Variants in PTPRN2 observed in about 807,000 individuals in gnomAD.
The protein encoded by PTPRN2 is protein tyrosine phosphatase receptor type N2.
Under a neutral mutation model 118.8 loss-of-function variants are expected in PTPRN2, and 74 were observed. The observed-to-expected ratio is 0.62, with a 90% CI of 0.52 to 0.76. The LOEUF is 0.76. PTPRN2 is among the 30% of genes least tolerant of loss of function. PTPRN2 has a pLI of 0.00. For missense variants in PTPRN2, 1,481 were observed against 1,394.4 expected (o/e 1.06, Z -0.99); for synonymous variants, 641 against 608.0 (o/e 1.05, Z -0.80).
intron 2 of PTPRN2, among the ~76,000 whole-genome samples, chr7:158,451,006 T>G (rs1226319093): frequency 2.0e-5 from 3 of 152,372 alleles, no homozygotes; most frequent in East Asian, 1.9e-4. Context: ...ACGTCGCAGC[T>G]GCACCTGGAG....
At position 157,662,175 on chromosome 7, in the gene PTPRN2, C is replaced by G. The variant is rs1795922856; in HGVS notation, c.2002-5624G>C. Reference sequence around the variant, plus strand: ...TCTCTGTGTGCCTCAGTTTCCCCATCTGTGAAGTGGTGATAATGGTACCGA... The same window carrying G: ...TCTCTGTGTGCCTCAGTTTCCCCATGTGTGAAGTGGTGATAATGGTACCGA... On this transcript the variant is annotated intron_variant, in intron 13 of 22. Transcript: ENST00000389418. Among the ~76,000 whole-genome samples the G allele has an allele frequency of 2.0e-5, 3 of 152,312 alleles. No homozygotes were observed. In the East Asian group the frequency reaches 5.8e-4, roughly 29 times the overall value.
At chr7:158,251,560 TG>T (rs1481920346) in intron 3 of PTPRN2, among the ~76,000 whole-genome samples, 1 of 137,536 alleles carries the variant, frequency 7.3e-6, no homozygotes, top group Non-Finnish European at 1.5e-5. Context: ...CTATGGTGCC[TG>T]TGGGGTGTGT....
In PTPRN2 at chr7:157,615,309, T is replaced by C; in HGVS notation, c.2344+6053A>G. 2 of 380,940 alleles carry C rather than the reference T, an allele frequency of 5.3e-6. No individual in the cohort carries two copies. The highest frequency in any genetic ancestry group is 1.1e-5 in the Non-Finnish European group (2 of 183,152). 23.6% of individuals were successfully genotyped at this position (380,940 alleles called of 1,614,324 possible). On this transcript the variant is annotated intron_variant, in intron 15 of 22. Coordinates refer to ENST00000389418, the MANE Select transcript of PTPRN2 (RefSeq NM_002847.5). This position sits in a 1 kb window ranked among gnomAD's most constrained non-coding sequence, Gnocchi z 4.3. ...CCCTGCAAGAGCGGTGTGCGTGGGT[T>C]GCGGCTGGGTCTGCGCTGGGGTAGT...
At chr7:157,752,983 G>C (rs916954232) in intron 12 of PTPRN2, among the ~76,000 whole-genome samples, 4 of 152,198 alleles carry the variant, frequency 2.6e-5, no homozygotes, top group Non-Finnish European at 5.9e-5. Flanking sequence ...TGCCATGGCC[G>C]GCAGTGCTGA....
intron 1 of PTPRN2, among the ~76,000 whole-genome samples, chr7:158,550,855 CTT>C (rs1563424921): frequency 6.6e-6 from 1 of 152,154 alleles, no homozygotes; most frequent in Admixed American, 6.6e-5. Flanking sequence ...TGTCGTGAAG[CTT>C]TTTTAACTCC....
At position 157,714,958 on chromosome 7, in the gene PTPRN2, C is replaced by T. The variant is rs140813141; in HGVS notation, c.1789-32021G>A. 1.8e-4 allele frequency among the ~76,000 whole-genome samples: 25 copies of T among 139,754 alleles called. No homozygotes were observed. The East Asian group carries it at 5.0e-3, about 28-fold the overall frequency. 91.7% of individuals were successfully genotyped at this position (139,754 alleles called of 152,430 possible). On this transcript the variant is annotated intron_variant, in intron 12 of 22. Coordinates refer to ENST00000389418, the MANE Select transcript of PTPRN2 (RefSeq NM_002847.5). ...AATGTATTCTGGGTCTCCCGCTTTC[C>T]GAGGCCAGCTCCCCAGGGAACGGCG...
chr7:157,783,096 TCTC>T (rs1182866236), intron 12 of PTPRN2, among the ~76,000 whole-genome samples: 2 of 152,146 alleles, frequency 1.3e-5, no homozygotes, highest in Non-Finnish European at 1.5e-5. Context: ...GCTCGGCACT[TCTC>T]CTTGCTGCCG....
chr7:157,727,499 A>G (rs1799664371), intron 12 of PTPRN2, among the ~76,000 whole-genome samples: 1 of 152,046 alleles, frequency 6.6e-6, no homozygotes, highest in African/African-American at 2.4e-5. Context: ...AAACTCAGAG[A>G]CAGAGGGTAG....
intron 6 of PTPRN2, among the ~76,000 whole-genome samples, chr7:158,139,308 G>A (rs1444616354): frequency 3.9e-5 from 6 of 152,210 alleles, no homozygotes. Flanking sequence ...CATTCTGTAA[G>A]TGAAGAGCAC....
At chr7:158,287,998 T>G (rs1434608504) in intron 3 of PTPRN2, among the ~76,000 whole-genome samples, 1 of 152,182 alleles carries the variant, frequency 6.6e-6, no homozygotes, top group Non-Finnish European at 1.5e-5. Flanking sequence ...TTCTCCAGTT[T>G]TTAGCCCATA....
chr7:158,169,252 G>A (rs983402696), intron 5 of PTPRN2, among the ~76,000 whole-genome samples: 5 of 152,052 alleles, frequency 3.3e-5, no homozygotes, highest in Admixed American at 2.6e-4. Flanking sequence ...GGTTTTTCTG[G>A]GTTTTTTTGA....
chr7:158,115,513 A>G (rs948908221), intron 9 of PTPRN2, among the ~76,000 whole-genome samples: 1 of 152,122 alleles, frequency 6.6e-6, no homozygotes, highest in Non-Finnish European at 1.5e-5. Context: ...CCCAAGGTGA[A>G]GGTGTGAGGA....
chr7:158,407,669 CGTCCTGGGTCCTGG>C lies in PTPRN2; in HGVS notation c.163+82052_163+82065del, dbSNP rs1246913977. On this transcript the variant is annotated intron_variant, in intron 2 of 22. Transcript: ENST00000389418. ...CCTGGGTCCTGCATCCTGCGTCCTGCGTCCTGGGTCCTGGGTCCTGGGTCCTGCGTCCTGCATCC... is the reference window on the plus strand; with the variant it reads ...CCTGGGTCCTGCATCCTGCGTCCTGCGTCCTGGGTCCTGCGTCCTGCATCC... 8.1e-5 allele frequency among the ~76,000 whole-genome samples: 8 copies of C among 98,414 alleles called. 2 individuals are homozygous for C. Among genetic ancestry groups the C allele is most frequent in the East Asian group, 3.5e-4 (1 of 2,882 alleles). 64.6% of individuals were successfully genotyped at this position (98,414 alleles called of 152,430 possible). A position where few individuals can be genotyped will look rare whatever the true frequency, so the allele number is the denominator to read the frequency against.
chr7:158,316,695 C>T (rs1586227928), intron 3 of PTPRN2, 124 bp downstream of exon 3: 3 of 699,222 alleles, frequency 4.3e-6, no homozygotes, highest in Non-Finnish European at 6.9e-6. Flanking sequence ...CTCCCACCTG[C>T]CCCTTCCACC....
chr7:158,478,038 G>A (rs1400738426), intron 2 of PTPRN2, among the ~76,000 whole-genome samples: 1 of 152,244 alleles, frequency 6.6e-6, no homozygotes, highest in Non-Finnish European at 1.5e-5. Context: ...GAGCCTGTGG[G>A]GCAGGAAACC....
chr7:158,574,758 G>A lies in PTPRN2; in HGVS notation c.112+12800C>T, dbSNP rs1421918982. 6.6e-6 allele frequency among the ~76,000 whole-genome samples: 1 copy of A among 152,228 alleles called. No individual in the cohort carries two copies. Among genetic ancestry groups the A allele is most frequent in the Non-Finnish European group, 1.5e-5 (1 of 68,038 alleles). Reference sequence around the variant, plus strand: ...CCTCTGCTACATGTGAGGACTGCATGCCCGGCAGCTTCCTCCACATGCATC... The same window carrying A: ...CCTCTGCTACATGTGAGGACTGCATACCCGGCAGCTTCCTCCACATGCATC... On this transcript the variant is annotated intron_variant, in intron 1 of 22. Coordinates refer to ENST00000389418, the MANE Select transcript of PTPRN2 (RefSeq NM_002847.5). The surrounding 1 kb of genome is among the most constrained non-coding windows in gnomAD (Gnocchi z 4.6).
At chr7:158,238,900 G>C (rs1661093169) in intron 3 of PTPRN2, among the ~76,000 whole-genome samples, 1 of 152,190 alleles carries the variant, frequency 6.6e-6, no homozygotes, top group African/African-American at 2.4e-5. Flanking sequence ...GCAGAGGTGT[G>C]AAGGCCACGC....
At chr7:157,621,726 A>G (rs192422443) in intron 14 of PTPRN2, among the ~76,000 whole-genome samples, 1 of 152,352 alleles carries the variant, frequency 6.6e-6, no homozygotes, top group East Asian at 1.9e-4. Context: ...CACATTTTAC[A>G]TATGTAAATA....
At chr7:158,435,053 T>G (rs961458155) in intron 2 of PTPRN2, among the ~76,000 whole-genome samples, 3 of 152,202 alleles carry the variant, frequency 2.0e-5, no homozygotes, top group Non-Finnish European at 4.4e-5. Context: ...TAGCAATTAT[T>G]TTTTGGATAT....
Sources: allele counts gnomAD v4.1 joint callset (sites outside exome capture counted in the v4.1 genomes callset), GRCh38; gene constraint gnomAD v4.1.1; non-coding constraint Gnocchi (gnomAD v3.1); transcripts MANE v1.5; gene names NCBI Gene and HGNC (gene_info 2026-07-23, HGNC 2026-07-21).